The following KIF13A variants were observed in gnomAD, a reference collection of about 807,000 sequenced individuals.
The protein encoded by KIF13A is kinesin-like protein KIF13A.
Under a neutral mutation model 212.2 loss-of-function variants are expected in KIF13A, and 79 were observed. That is an observed-to-expected ratio of 0.37 (90% CI 0.31 to 0.45). KIF13A has a LOEUF of 0.45. Among genes scored for constraint, KIF13A ranks in the 20% least tolerant of loss-of-function variants. The probability of loss-of-function intolerance (pLI) is 1.00; values close to 1 mark genes in which losing one functional copy is unlikely to be tolerated. For missense variants in KIF13A, 1,901 were observed against 2,209.0 expected (o/e 0.86, Z 2.79); for synonymous variants, 789 against 808.6 (o/e 0.98, Z 0.41).
intron 9 of KIF13A, among the ~76,000 whole-genome samples, chr6:17,847,318 C>A (rs934252033): frequency 6.6e-6 from 1 of 151,998 alleles, no homozygotes; most frequent in Non-Finnish European, 1.5e-5. Flanking sequence ...GCATGCAGGG[C>A]TGCAGTGCCA....
intron 2 of KIF13A, among the ~76,000 whole-genome samples, chr6:17,932,612 A>C (rs1776088676): frequency 6.6e-6 from 1 of 152,130 alleles, no homozygotes; most frequent in Non-Finnish European, 1.5e-5. Context: ...CTGACCCACC[A>C]ATCTGACACA....
chr6:17,905,098 C>T (rs1213622741), intron 2 of KIF13A, among the ~76,000 whole-genome samples: 1 of 152,222 alleles, frequency 6.6e-6, no homozygotes. Flanking sequence ...TGCAAACTTT[C>T]TTAAAACATT....
rs889239016 is a variant in KIF13A at position 17,987,480 on chromosome 6, C to A, written c.-17G>T. On this transcript the variant is annotated 5_prime_UTR_variant, in exon 1 of 39. Coordinates refer to ENST00000259711, the MANE Select transcript of KIF13A (RefSeq NM_022113.6). This position sits in a 1 kb window ranked among gnomAD's most constrained non-coding sequence, Gnocchi z 7.7. ...ATCCGACATGTTGGCTGCGCTCGCC[C>A]GGCCGCTCGCCGCGCCCGCTCGGCC... The A allele has an allele frequency of 8.0e-7, 1 of 1,248,606 alleles. No homozygotes were observed. Among genetic ancestry groups the A allele is most frequent in the Non-Finnish European group, 1.0e-6 (1 of 956,662 alleles). 77.3% of individuals were successfully genotyped at this position (1,248,606 alleles called of 1,614,324 possible). A position where few individuals can be genotyped will look rare whatever the true frequency, so the allele number is the denominator to read the frequency against.
Position 17,850,483 on chromosome 6 carries a change from C to A in KIF13A, c.583-26G>T, listed in dbSNP as rs757008173. Reference sequence around the variant, plus strand: ...CTAGGGGCAAAGCATAAGGAAAAGACCATAAGCAAAAACACAAGAATGTAG... The same window carrying A: ...CTAGGGGCAAAGCATAAGGAAAAGAACATAAGCAAAAACACAAGAATGTAG... On this transcript the variant is annotated intron_variant, in intron 7 of 38. Coordinates refer to ENST00000259711, the MANE Select transcript of KIF13A (RefSeq NM_022113.6). The surrounding 1 kb of genome is among the most constrained non-coding windows in gnomAD (Gnocchi z 6.2). 6.3e-7 allele frequency: 1 copy of A among 1,594,646 alleles called. No individual in the cohort carries two copies. Among genetic ancestry groups the A allele is most frequent in the Non-Finnish European group, 8.5e-7 (1 of 1,170,220 alleles).
chr6:17,816,960 C>T lies in KIF13A; in HGVS notation c.2000+60G>A, dbSNP rs72837274. On this transcript the variant is annotated intron_variant, in intron 17 of 38. Transcript: ENST00000259711. The surrounding 1 kb of genome is among the most constrained non-coding windows in gnomAD (Gnocchi z 4.3). ...TCCCTGACATGTCTCAAAAACCCCT[C>T]CCTCAAAGACCCACGGCCTTGGGGC... The T allele has an allele frequency of 0.016, 23,151 of 1,403,544 alleles. 271 individuals are homozygous for T. Among genetic ancestry groups the T allele is most frequent in the Non-Finnish European group, 0.019 (19,195 of 1,032,832 alleles). The allele number at this position is 1,403,544 out of a possible 1,614,324, so 86.9% of individuals were successfully genotyped here.
chr6:17,845,523 T>C (rs74494632), intron 9 of KIF13A, among the ~76,000 whole-genome samples: 5,343 of 152,328 alleles, frequency 0.035, 327 homozygotes, highest in African/African-American at 0.12. Context: ...CTGGGAACGA[T>C]ACCCATTAGA....
chr6:17,970,690 C>T (rs1476482105), intron 2 of KIF13A, among the ~76,000 whole-genome samples: 1 of 152,134 alleles, frequency 6.6e-6, no homozygotes, highest in Non-Finnish European at 1.5e-5. Context: ...TGACATGCAC[C>T]TCCTTTTCCC....
rs993918142 is a variant in KIF13A, at chr6:17,963,738, G to C, written c.146+23316C>G. 4.6e-5 allele frequency among the ~76,000 whole-genome samples: 7 copies of C among 152,108 alleles called. No individual in the cohort carries two copies. Among genetic ancestry groups the C allele is most frequent in the Non-Finnish European group, 8.8e-5 (6 of 68,024 alleles). On this transcript the variant is annotated intron_variant, in intron 2 of 38. Coordinates refer to ENST00000259711, the MANE Select transcript of KIF13A (RefSeq NM_022113.6). This position sits in a 1 kb window ranked among gnomAD's most constrained non-coding sequence, Gnocchi z 4.1. ...CGCCCTGCTAATTTTTGCATTTTTA[G>C]TAGAGACAGGGTTCCACCATGTTGG...
At chr6:17,818,128 T>C (rs1202880545) in intron 16 of KIF13A, among the ~76,000 whole-genome samples, 1 of 152,008 alleles carries the variant, frequency 6.6e-6, no homozygotes, top group South Asian at 2.1e-4. Flanking sequence ...ATCTCAATAG[T>C]AGAACAAGAA....
chr6:17,928,414 G>C (rs576362708), intron 2 of KIF13A, among the ~76,000 whole-genome samples: 29 of 152,326 alleles, frequency 1.9e-4, no homozygotes, highest in African/African-American at 5.5e-4. Flanking sequence ...GGTGGTGTCA[G>C]TGGATCCAGA....
intron 16 of KIF13A, among the ~76,000 whole-genome samples, chr6:17,824,361 T>C (rs1764748964): frequency 6.6e-6 from 1 of 152,220 alleles, no homozygotes; most frequent in African/African-American, 2.4e-5. Context: ...TGTGCTTGCC[T>C]TGGCAGCACA....
intron 2 of KIF13A, among the ~76,000 whole-genome samples, chr6:17,948,557 CTTTTTTTTTTT>C (rs71002289): frequency 1.1e-4 from 9 of 84,148 alleles, no homozygotes; most frequent in Non-Finnish European, 1.9e-4. Context: ...CATCCATTTA[CTTTTTTTTTTT>C]TTTTTTTTTT....
At chr6:17,869,976 T>C (rs770206193) in intron 4 of KIF13A, among the ~76,000 whole-genome samples, 14 of 152,246 alleles carry the variant, frequency 9.2e-5, no homozygotes, top group Non-Finnish European at 1.8e-4. Flanking sequence ...TGAATGCTTC[T>C]ATCTTAATGT....
In KIF13A at chr6:17,987,494, G is replaced by A. The variant is rs1403209979; in HGVS notation, c.-31C>T. ...CTGCGCTCGCCCGGCCGCTCGCCGC[G>A]CCCGCTCGGCCTTAGGCGGCCCCTC... On this transcript the variant is annotated 5_prime_UTR_variant, in exon 1 of 39. Transcript: ENST00000259711. This position sits in a 1 kb window ranked among gnomAD's most constrained non-coding sequence, Gnocchi z 7.7. 7 of 1,231,830 alleles carry A rather than the reference G, an allele frequency of 5.7e-6. No homozygotes were observed. The highest frequency in any genetic ancestry group is 1.5e-5 in the South Asian group (1 of 66,182). The allele number at this position is 1,231,830 out of a possible 1,614,324, so 76.3% of individuals were successfully genotyped here.
Position 17,799,539 on chromosome 6 carries a change from C to A in KIF13A, c.2617-100G>T. ...AGAGTAAGCGATGAAACAAATTGGT[C>A]ATCCATTTGACATGTGAAAATATTA... is the stretch of plus-strand genomic sequence containing the variant. On this transcript the variant is annotated intron_variant, in intron 21 of 38. Coordinates refer to ENST00000259711, the MANE Select transcript of KIF13A (RefSeq NM_022113.6). This position sits in a 1 kb window ranked among gnomAD's most constrained non-coding sequence, Gnocchi z 4.4. The A allele has an allele frequency of 1.1e-6, 1 of 922,210 alleles. No individual in the cohort carries two copies. The highest frequency in any genetic ancestry group is 1.9e-5 in the South Asian group (1 of 51,548). 57.1% of individuals were successfully genotyped at this position (922,210 alleles called of 1,614,324 possible). A position where few individuals can be genotyped will look rare whatever the true frequency, so the allele number is the denominator to read the frequency against.
Position 17,764,034 on chromosome 6 carries a change from C to A in KIF13A, c.*76G>T. On this transcript the variant is annotated 3_prime_UTR_variant, in exon 39 of 39. Coordinates refer to ENST00000259711, the MANE Select transcript of KIF13A (RefSeq NM_022113.6). The surrounding 1 kb of genome is among the most constrained non-coding windows in gnomAD (Gnocchi z 5.1). ...CTCTGTGGGCTCATCTTTGCTGTCA[C>A]AAACAACTGGATGAATCTTTCCTAC... 2 of 1,517,348 alleles carry A rather than the reference C, an allele frequency of 1.3e-6. No homozygotes were observed. Among genetic ancestry groups the A allele is most frequent in the Non-Finnish European group, 8.8e-7 (1 of 1,132,148 alleles). The allele number at this position is 1,517,348 out of a possible 1,614,324, so 94.0% of individuals were successfully genotyped here. A position where few individuals can be genotyped will look rare whatever the true frequency, so the allele number is the denominator to read the frequency against.
chr6:17,781,606 T>A (rs1012047211), intron 29 of KIF13A, among the ~76,000 whole-genome samples: 1 of 148,670 alleles, frequency 6.7e-6, no homozygotes, highest in African/African-American at 2.5e-5. Context: ...ATTACAGGGG[T>A]GAGCCACTGT....
In KIF13A at chr6:17,814,046, A is replaced by G. The variant is rs375316899; in HGVS notation, c.2000+2974T>C. 1.6e-4 allele frequency among the ~76,000 whole-genome samples: 21 copies of G among 132,714 alleles called. 1 individual carries two copies. Among genetic ancestry groups the G allele is most frequent in the Admixed American group, 1.2e-3 (14 of 11,234 alleles). The allele number at this position is 132,714 out of a possible 152,430, so 87.1% of individuals were successfully genotyped here. ...CAGCTCACTGCAAGCTCCGCCTCCC[A>G]GGTTCACGCCATTCTCCTGCCTCAG... On this transcript the variant is annotated intron_variant, in intron 17 of 38. Transcript: ENST00000259711.
At chr6:17,957,445 G>A (rs1778436241) in intron 2 of KIF13A, among the ~76,000 whole-genome samples, 1 of 152,140 alleles carries the variant, frequency 6.6e-6, no homozygotes, top group Admixed American at 6.5e-5. Flanking sequence ...TATCCTCTAA[G>A]ATAACCTTCA....
Sources: gnomAD v4.1 joint callset for allele counts (sites outside exome capture counted in the v4.1 genomes callset) on GRCh38, gnomAD v4.1.1 for gene constraint, Gnocchi (gnomAD v3.1) non-coding constraint, MANE v1.5 for transcripts, NCBI Gene and HGNC (gene_info 2026-07-23, HGNC 2026-07-21) for gene names.